Variants in ST8SIA4 observed in about 807,000 individuals in gnomAD.
ST8SIA4 encodes the protein ST8 alpha-N-acetyl-neuraminide alpha-2,8-sialyltransferase 4.
Under a neutral mutation model 33.9 loss-of-function variants are expected in ST8SIA4, and 15 were observed. The ratio of observed to expected loss-of-function variants is 0.44; its 90% confidence interval spans 0.30 to 0.68. ST8SIA4 has a LOEUF of 0.68. Among genes scored for constraint, ST8SIA4 ranks in the 30% least tolerant of loss-of-function variants. ST8SIA4 has a pLI of 0.10. For synonymous variants in ST8SIA4, 171 were observed against 151.2 expected (o/e 1.13, Z -0.96); for missense variants, 321 against 428.0 (o/e 0.75, Z 2.21).
intron 4 of ST8SIA4, among the ~76,000 whole-genome samples, chr5:100,853,160 GC>G (rs1330646204): frequency 6.6e-6 from 1 of 152,118 alleles, no homozygotes; most frequent in Non-Finnish European, 1.5e-5. Flanking sequence ...GTTTGCCTTT[GC>G]TTTCATATCA....
intron 4 of ST8SIA4, among the ~76,000 whole-genome samples, chr5:100,819,515 G>A (rs762450577): frequency 3.4e-4 from 52 of 152,176 alleles, no homozygotes; most frequent in Non-Finnish European, 6.0e-4. Context: ...CTGATTTCAA[G>A]CTACCAACCT....
chr5:100,811,319 C>CAA lies in ST8SIA4; in HGVS notation c.*526_*527dup, dbSNP rs3842024. On this transcript the variant is annotated 3_prime_UTR_variant, in exon 5 of 5. Coordinates refer to ENST00000231461, the MANE Select transcript of ST8SIA4 (RefSeq NM_005668.6). ...CCAAACCAAAAGAGATTCCAGAAGA[C>CAA]AAAAAAAAAACATAAATTAAAACAT... 636 of 149,756 alleles carry CAA rather than the reference C, an allele frequency of 4.2e-3. 4 individuals carry two copies. The highest frequency in any genetic ancestry group is 0.01 in the South Asian group (49 of 4,756). The allele number at this position is 149,756 out of a possible 1,614,324, so 9.3% of individuals were successfully genotyped here. A position where few individuals can be genotyped will look rare whatever the true frequency, so the allele number is the denominator to read the frequency against.
chr5:100,867,667 C>T (rs1035783239), intron 3 of ST8SIA4, among the ~76,000 whole-genome samples: 1 of 151,718 alleles, frequency 6.6e-6, no homozygotes, highest in African/African-American at 2.4e-5. Context: ...AACTTTCTTG[C>T]TTAAATAAAC....
rs181265141 is a variant in ST8SIA4, at chr5:100,811,876, G to T, written c.1051C>A (p.Leu351Met). 5.3e-5 allele frequency: 85 copies of T among 1,613,496 alleles called. No homozygotes were observed. Among genetic ancestry groups the T allele is most frequent in the South Asian group, 4.4e-4 (40 of 91,030 alleles). ...TGCTTTACACACTTTCCTGTTGTCA[G>T]TTTTAGAGCTCCTCTATTATGTAGC... ...NVLHNRGALK[L>M]TTGKCVKQ is the part of the protein sequence containing the mutation. Residue 351 changes from leucine (L) to methionine (M), a missense_variant, in exon 5 of 5, where the codon CTG becomes ATG. Coordinates refer to ENST00000231461, the MANE Select transcript of ST8SIA4 (RefSeq NM_005668.6).
chr5:100,813,924 T>C (rs562324392), intron 4 of ST8SIA4, among the ~76,000 whole-genome samples: 53 of 152,042 alleles, frequency 3.5e-4, no homozygotes, highest in Non-Finnish European at 6.0e-4. Context: ...TTAGGAACAA[T>C]TTGGCAGTAT....
Position 100,859,044 on chromosome 5 carries a change from T to C in ST8SIA4, c.504-2648A>G, listed in dbSNP as rs976973111. Among the ~76,000 whole-genome samples the C allele has an allele frequency of 4.1e-4, 63 of 152,184 alleles. 1 individual carries two copies. Among genetic ancestry groups the C allele is most frequent in the Admixed American group, 3.0e-3 (46 of 15,278 alleles). The stretch of plus-strand genomic sequence containing the variant: ...TTAACAACTCTGTGGTTGAGTCAGA[T>C]TTTTAGTCATATAATTAGCTGAATG... On this transcript the variant is annotated intron_variant, in intron 3 of 4. Coordinates refer to ENST00000231461, the MANE Select transcript of ST8SIA4 (RefSeq NM_005668.6).
chr5:100,825,466 C>T (rs1160446016), intron 4 of ST8SIA4, among the ~76,000 whole-genome samples: 1 of 152,152 alleles, frequency 6.6e-6, no homozygotes, highest in Non-Finnish European at 1.5e-5. Context: ...TTATCAAATT[C>T]TGTCTGTAGC....
chr5:100,811,803 C>G lies in ST8SIA4; in HGVS notation c.*44G>C. The stretch of plus-strand genomic sequence containing the variant: ...GATCCTATTTTCAAATCTTCGGAAG[C>G]ATCTTCAGAAAAGAAGTGCATATTG... On this transcript the variant is annotated 3_prime_UTR_variant, in exon 5 of 5. Transcript: ENST00000231461. 6.5e-7 allele frequency: 1 copy of G among 1,541,354 alleles called. No homozygotes were observed. Among genetic ancestry groups the G allele is most frequent in the Non-Finnish European group, 8.7e-7 (1 of 1,144,522 alleles).
At chr5:100,826,402 G>A (rs759242869) in intron 4 of ST8SIA4, among the ~76,000 whole-genome samples, 17 of 152,088 alleles carry the variant, frequency 1.1e-4, no homozygotes, top group African/African-American at 3.9e-4. Context: ...GCTTACATCT[G>A]TTCAATGTAA....
intron 3 of ST8SIA4, among the ~76,000 whole-genome samples, chr5:100,863,153 C>T (rs115924476): frequency 1.1e-3 from 162 of 152,244 alleles, no homozygotes; most frequent in African/African-American, 3.7e-3. Context: ...AAGTCACTCC[C>T]AGGTAGGAAT....
intron 2 of ST8SIA4, among the ~76,000 whole-genome samples, chr5:100,888,563 A>G (rs1752590880): frequency 1.3e-5 from 2 of 151,976 alleles, no homozygotes; most frequent in Non-Finnish European, 2.9e-5. Context: ...TGTCATTATT[A>G]TAACATTTAA....
At chr5:100,858,535 C>T (rs895718598) in intron 3 of ST8SIA4, among the ~76,000 whole-genome samples, 29 of 152,030 alleles carry the variant, frequency 1.9e-4, no homozygotes, top group African/African-American at 5.3e-4. Context: ...CATCTTTAAA[C>T]ATCCCACCCC....
At chr5:100,812,635 C>G (rs1750838324) in intron 4 of ST8SIA4, among the ~76,000 whole-genome samples, 1 of 152,038 alleles carries the variant, frequency 6.6e-6, no homozygotes, top group Non-Finnish European at 1.5e-5. Flanking sequence ...TCCAATTTTC[C>G]AAGTCACAAT....
At chr5:100,813,498 G>A (rs1268118402) in intron 4 of ST8SIA4, among the ~76,000 whole-genome samples, 1 of 151,884 alleles carries the variant, frequency 6.6e-6, no homozygotes. Flanking sequence ...CAGTAAAGAC[G>A]ATTTTATAAG....
At chr5:100,851,908 C>T (rs1180053571) in intron 4 of ST8SIA4, among the ~76,000 whole-genome samples, 1 of 151,510 alleles carries the variant, frequency 6.6e-6, no homozygotes, top group African/African-American at 2.4e-5. Flanking sequence ...TGTATTTGAG[C>T]TATGTCTTAG....
At chr5:100,840,672 C>G (rs1260139715) in intron 4 of ST8SIA4, among the ~76,000 whole-genome samples, 1 of 151,686 alleles carries the variant, frequency 6.6e-6, no homozygotes, top group African/African-American at 2.4e-5. Flanking sequence ...CCTATATTAT[C>G]TCCTGACTAG....
chr5:100,895,086 G>C (rs1752751750), intron 2 of ST8SIA4, among the ~76,000 whole-genome samples: 1 of 152,044 alleles, frequency 6.6e-6, no homozygotes, highest in Non-Finnish European at 1.5e-5. Context: ...CGTAGGCATG[G>C]AGTATGAGTT....
In ST8SIA4 at chr5:100,903,206, GC is replaced by G; in HGVS notation, c.-252del. 1 of 510,958 alleles carries G rather than the reference GC, an allele frequency of 2.0e-6. No homozygotes were observed. Among genetic ancestry groups the G allele is most frequent in the South Asian group, 2.3e-5 (1 of 43,408 alleles). 31.7% of individuals were successfully genotyped at this position (510,958 alleles called of 1,614,324 possible). A position where few individuals can be genotyped will look rare whatever the true frequency, so the allele number is the denominator to read the frequency against. On this transcript the variant is annotated 5_prime_UTR_variant, in exon 1 of 5. The change abolishes the stop of an existing upstream ORF in the 5' untranslated region. Coordinates refer to ENST00000231461, the MANE Select transcript of ST8SIA4 (RefSeq NM_005668.6). ...GGTCGCTCCGCGCCGCCTCCCTGGG[GC>G]TCAGGTTTCTTTTCAGATGAGACAC...
At chr5:100,838,150 CTAGAG>C (rs1164259514) in intron 4 of ST8SIA4, among the ~76,000 whole-genome samples, 5 of 151,844 alleles carry the variant, frequency 3.3e-5, no homozygotes, top group Non-Finnish European at 7.4e-5. Context: ...ATGTCAGTGC[CTAGAG>C]TATAGAAGAC....
Sources: gnomAD v4.1 joint callset for allele counts (sites outside exome capture counted in the v4.1 genomes callset) on GRCh38, gnomAD v4.1.1 for gene constraint, MANE v1.5 for transcripts, NCBI Gene and HGNC (gene_info 2026-07-23, HGNC 2026-07-21) for gene names.